The following ARHGAP33 variants were observed in gnomAD, a reference collection of about 807,000 sequenced individuals.
The protein encoded by ARHGAP33 is rho GTPase-activating protein 33.
In ARHGAP33, 57 loss-of-function variants were observed where a neutral mutation model predicts 126.2. The observed-to-expected ratio is 0.45, with a 90% CI of 0.36 to 0.56. The LOEUF is 0.56. Among genes scored for constraint, ARHGAP33 ranks in the 20% least tolerant of loss-of-function variants. ARHGAP33 has a pLI of 0.00. For synonymous variants in ARHGAP33, 711 were observed against 755.0 expected (o/e 0.94, Z 0.95); for missense variants, 1,500 against 1,748.3 (o/e 0.86, Z 2.53).
rs1298102796 is a variant in ARHGAP33, at chr19:35,782,415, T to C, written c.1128T>C (p.Pro376=). ...DSERIPELSG[P]AFLQDIHSVS... ...AGAGGATCCCGGAGCTGTCTGGCCC[T>C]GCATTCCTGCAGGACATCCACAGCG... Residue 376 remains proline, a synonymous_variant, in exon 13 of 21, where the codon CCT becomes CCC. Coordinates refer to ENST00000007510, the MANE Select transcript of ARHGAP33 (RefSeq NM_001366178.1). The surrounding 1 kb of genome is among the most constrained non-coding windows in gnomAD (Gnocchi z 4.1). The C allele has an allele frequency of 1.2e-6, 2 of 1,612,350 alleles. No individual in the cohort carries two copies. Among genetic ancestry groups the C allele is most frequent in the Non-Finnish European group, 1.7e-6 (2 of 1,178,628 alleles).
Position 35,786,241 on chromosome 19 carries a change from T to A in ARHGAP33, c.1943-172T>A. 7.0e-7 allele frequency: 1 copy of A among 1,420,254 alleles called. No individual in the cohort carries two copies. The highest frequency in any genetic ancestry group is 9.2e-7 in the Non-Finnish European group (1 of 1,091,640). 88.0% of individuals were successfully genotyped at this position (1,420,254 alleles called of 1,614,324 possible). A position where few individuals can be genotyped will look rare whatever the true frequency, so the allele number is the denominator to read the frequency against. On this transcript the variant is annotated intron_variant, in intron 19 of 20. Transcript: ENST00000007510. This position sits in a 1 kb window ranked among gnomAD's most constrained non-coding sequence, Gnocchi z 7.0. ...GGGGCAGCCACAGGGCCTTCGTGCT[T>A]TGGGCCGGAAGTGTCCTCTTCATGG...
rs116198719 is a variant in ARHGAP33, at chr19:35,784,779, C to T, written c.1568-174C>T. 5.0e-4 allele frequency: 686 copies of T among 1,365,424 alleles called. 3 individuals carry two copies. The African/African-American group carries it at 9.6e-3, about 19-fold the overall frequency. The allele number at this position is 1,365,424 out of a possible 1,614,324, so 84.6% of individuals were successfully genotyped here. On this transcript the variant is annotated intron_variant, in intron 16 of 20. Coordinates refer to ENST00000007510, the MANE Select transcript of ARHGAP33 (RefSeq NM_001366178.1). Reference sequence around the variant, plus strand: ...TCCTCATCAGCTCGTCCCGCCCCGCCCTCCTCCCACCTGCCTGCTGCCCGC... The same window carrying T: ...TCCTCATCAGCTCGTCCCGCCCCGCTCTCCTCCCACCTGCCTGCTGCCCGC...
Position 35,781,241 on chromosome 19 carries a change from C to G in ARHGAP33, c.1074C>G (p.Ile358Met), listed in dbSNP as rs778348847. 1.2e-6 allele frequency: 2 copies of G among 1,614,034 alleles called. No individual in the cohort carries two copies. The highest frequency in any genetic ancestry group is 1.7e-6 in the Non-Finnish European group (2 of 1,180,036). Residue 358 changes from isoleucine to methionine, a missense_variant, in exon 12 of 21, where the codon ATC becomes ATG. Transcript: ENST00000007510. Reference protein sequence around the residue: ...IYRLSGVSSNIQRLRHEFDSE... With the variant: ...IYRLSGVSSNMQRLRHEFDSE... ...GGCTCTCAGGCGTGTCTTCCAACAT[C>G]CAGAGGCTTCGGTGAGGGCCCTTAG...
chr19:35,781,033 T>A lies in ARHGAP33; in HGVS notation c.943T>A (p.Cys315Ser). The A allele has an allele frequency of 6.2e-7, 1 of 1,612,414 alleles. No individual in the cohort carries two copies. Among genetic ancestry groups the A allele is most frequent in the Non-Finnish European group, 8.5e-7 (1 of 1,179,902 alleles). The change falls in exon 11 of 21, where the codon TGC becomes AGC. Residue 315 changes from cysteine to serine, a missense_variant. Coordinates refer to ENST00000007510, the MANE Select transcript of ARHGAP33 (RefSeq NM_001366178.1). ...AATCCTGCGACAGAGGGTGTTTGGCTGCGATCTTGGCGAGCACCTCAGCAA... is the reference window on the plus strand; with the variant it reads ...AATCCTGCGACAGAGGGTGTTTGGCAGCGATCTTGGCGAGCACCTCAGCAA... ...RGILRQRVFGCDLGEHLSNSG... is the reference protein window; with the variant it reads ...RGILRQRVFGSDLGEHLSNSG...
intron 6 of ARHGAP33, 50 bp downstream of exon 6, chr19:35,779,174 T>C (rs1409895973): frequency 6.9e-7 from 1 of 1,453,774 alleles, no homozygotes; most frequent in Non-Finnish European, 9.4e-7. Flanking sequence ...AGGGGGTGTC[T>C]GAGGGGCGAG....
rs1250489163 is a variant in ARHGAP33, at chr19:35,782,559, T to C, written c.1231-38T>C. Reference sequence around the variant, plus strand: ...GCGGGACGGAGGGGGCCGGGACGCCTCTGGCCCAGACCTCATCACACCTGC... The same window carrying C: ...GCGGGACGGAGGGGGCCGGGACGCCCCTGGCCCAGACCTCATCACACCTGC... On this transcript the variant is annotated intron_variant, in intron 13 of 20. Coordinates refer to ENST00000007510, the MANE Select transcript of ARHGAP33 (RefSeq NM_001366178.1). This position sits in a 1 kb window ranked among gnomAD's most constrained non-coding sequence, Gnocchi z 4.1. 43 of 1,613,634 alleles carry C rather than the reference T, an allele frequency of 2.7e-5. No individual in the cohort carries two copies. Among genetic ancestry groups the C allele is most frequent in the Non-Finnish European group, 3.6e-5 (42 of 1,179,830 alleles).
At position 35,786,958 on chromosome 19, in the gene ARHGAP33, C is replaced by G; in HGVS notation, c.2488C>G (p.Arg830Gly). ...ATPTPALSPGRSLRPHLIPLL... is the reference protein window; with the variant it reads ...ATPTPALSPGGSLRPHLIPLL... The stretch of plus-strand genomic sequence containing the variant: ...CCCAACACCAGCTCTCAGCCCCGGC[C>G]GGAGCCTGCGCCCCCATCTCATACC... Residue 830 changes from arginine (R) to glycine (G), a missense_variant, in exon 20 of 21, where the codon CGG becomes GGG. Around this residue, in one of 6 missense-constraint regions of ARHGAP33, gnomAD observed 642 missense variants for 634.0 expected, o/e 1.01. Coordinates refer to ENST00000007510, the MANE Select transcript of ARHGAP33 (RefSeq NM_001366178.1). This position sits in a 1 kb window ranked among gnomAD's most constrained non-coding sequence, Gnocchi z 7.0. 6.2e-7 allele frequency: 1 copy of G among 1,610,618 alleles called. No homozygotes were observed. Among genetic ancestry groups the G allele is most frequent in the East Asian group, 2.2e-5 (1 of 44,826 alleles).
chr19:35,780,544 A>T (rs1363481575), intron 8 of ARHGAP33, 38 bp from the exon 9 acceptor site: 1 of 1,613,000 alleles, frequency 6.2e-7, no homozygotes, highest in Non-Finnish European at 8.5e-7. Context: ...GTACCTGCCA[A>T]CTGGGGTGGC....
chr19:35,778,216 G>C lies in ARHGAP33; in HGVS notation c.190-64G>C, dbSNP rs530975098. 1.3e-5 allele frequency: 20 copies of C among 1,561,706 alleles called. No individual in the cohort carries two copies. The African/African-American group carries it at 2.2e-4, about 17-fold the overall frequency. ...GGAGTCACAAACCCGTCCCTAGATA[G>C]TGCCATCCCCAGGAGGTCAGGACTG... is the stretch of plus-strand genomic sequence containing the variant. On this transcript the variant is annotated intron_variant, in intron 3 of 20. Transcript: ENST00000007510.
At chr19:35,784,456 G>T in intron 16 of ARHGAP33, 139 bp downstream of exon 16, 1 of 972,056 alleles carries the variant, frequency 1.0e-6, no homozygotes, top group Non-Finnish European at 1.4e-6. Context: ...ATCCCGCCCC[G>T]GCCTCTCCCT....
chr19:35,785,818 A>T, intron 19 of ARHGAP33: 2 of 1,181,198 alleles, frequency 1.7e-6, no homozygotes, highest in Non-Finnish European at 2.1e-6. Context: ...GTTCCTCCCC[A>T]CTGGAGGCAT....
intron 16 of ARHGAP33, 88 bp from the exon 17 acceptor site, chr19:35,784,865 G>A (rs1038943767): frequency 1.6e-4 from 229 of 1,413,794 alleles, no homozygotes; most frequent in Middle Eastern, 2.6e-4. Context: ...CATGCTGCGG[G>A]GCCGGGGCTT....
chr19:35,784,420 C>G, intron 16 of ARHGAP33, 103 bp downstream of exon 16: 1 of 1,434,458 alleles, frequency 7.0e-7, no homozygotes, highest in South Asian at 1.5e-5. Flanking sequence ...CCCACTGAAG[C>G]TGGGCCTCCC....
rs1338359105 is a variant in ARHGAP33 at position 35,787,887 on chromosome 19, C to G, written c.3322C>G (p.Arg1108Gly). Residue 1108 changes from arginine (R) to glycine (G), a missense_variant, in exon 21 of 21, where the codon CGC becomes GGC. Coordinates refer to ENST00000007510, the MANE Select transcript of ARHGAP33 (RefSeq NM_001366178.1). ...SGPTRSWSPF[R>G]SMPPDRLNAS... Reference sequence around the variant, plus strand: ...CCCCACCCGCTCCTGGAGTCCCTTTCGCTCCATGCCCCCCGACAGGCTCAA... The same window carrying G: ...CCCCACCCGCTCCTGGAGTCCCTTTGGCTCCATGCCCCCCGACAGGCTCAA... 1.2e-6 allele frequency: 2 copies of G among 1,609,944 alleles called. No homozygotes were observed. Among genetic ancestry groups the G allele is most frequent in the Non-Finnish European group, 1.7e-6 (2 of 1,177,880 alleles).
chr19:35,787,706 C>T lies in ARHGAP33; in HGVS notation c.3141C>T (p.Val1047=). The T allele has an allele frequency of 6.3e-7, 1 of 1,593,502 alleles. No homozygotes were observed. Among genetic ancestry groups the T allele is most frequent in the Non-Finnish European group, 8.5e-7 (1 of 1,174,192 alleles). ...AGTGCCTGCCACCCTTCCTCGGGGTCCCCAAGCCAGGCTTGTACCCCCTGG... is the reference window on the plus strand; with the variant it reads ...AGTGCCTGCCACCCTTCCTCGGGGTTCCCAAGCCAGGCTTGTACCCCCTGG... The part of the protein sequence containing the change: ...PRECLPPFLG[V]PKPGLYPLGP... Residue 1047 remains valine (V), a synonymous_variant, in exon 21 of 21, where the codon GTC becomes GTT. Coordinates refer to ENST00000007510, the MANE Select transcript of ARHGAP33 (RefSeq NM_001366178.1).
chr19:35,786,200 C>A lies in ARHGAP33; in HGVS notation c.1943-213C>A. Reference sequence around the variant, plus strand: ...CAGCTGTATGTGAATCTGTTGGTCTCGTGCTCACAGCCTGTGGGGCAGCCA... The same window carrying A: ...CAGCTGTATGTGAATCTGTTGGTCTAGTGCTCACAGCCTGTGGGGCAGCCA... On this transcript the variant is annotated intron_variant, in intron 19 of 20. Coordinates refer to ENST00000007510, the MANE Select transcript of ARHGAP33 (RefSeq NM_001366178.1). The surrounding 1 kb of genome is among the most constrained non-coding windows in gnomAD (Gnocchi z 7.0). 7.1e-7 allele frequency: 1 copy of A among 1,408,654 alleles called. No individual in the cohort carries two copies. The highest frequency in any genetic ancestry group is 9.2e-7 in the Non-Finnish European group (1 of 1,086,422). 87.3% of individuals were successfully genotyped at this position (1,408,654 alleles called of 1,614,324 possible).
intron 3 of ARHGAP33, 66 bp from the exon 4 acceptor site, chr19:35,778,214 T>A: frequency 6.4e-7 from 1 of 1,552,302 alleles, no homozygotes; most frequent in Non-Finnish European, 8.9e-7. Context: ...CGTCCCTAGA[T>A]AGTGCCATCC....
rs915914207 is a variant in ARHGAP33 at position 35,778,266 on chromosome 19, C to G, written c.190-14C>G. 37 of 1,613,958 alleles carry G rather than the reference C, an allele frequency of 2.3e-5. No individual in the cohort carries two copies. The highest frequency in any genetic ancestry group is 3.0e-5 in the Non-Finnish European group (35 of 1,179,968). Reference sequence around the variant, plus strand: ...GGGACAAAAGTCCACCTGGGCCTTGCTTTCCCTCTGCAGCTCCTGCTGTCT... The same window carrying G: ...GGGACAAAAGTCCACCTGGGCCTTGGTTTCCCTCTGCAGCTCCTGCTGTCT... On this transcript the variant is annotated splice_polypyrimidine_tract_variant and intron_variant, in intron 3 of 20. Transcript: ENST00000007510.
In ARHGAP33 at chr19:35,785,058, C is replaced by T. The variant is rs372775118; in HGVS notation, c.1673C>T (p.Thr558Met). Residue 558 changes from threonine to methionine, a missense_variant, in exon 17 of 21, where the codon ACG becomes ATG. This residue lies in a region of ARHGAP33 where 300 missense variants were observed against 291.1 expected (regional missense o/e 1.03). Coordinates refer to ENST00000007510, the MANE Select transcript of ARHGAP33 (RefSeq NM_001366178.1). ...GCACGCACCCAGGGCCGGCTGGGGA[C>T]GCCCACGGAGCCCACAACTCCCAAG... ...AQARTQGRLG[T>M]PTEPTTPKAP... The T allele has an allele frequency of 1.4e-5, 22 of 1,558,586 alleles. No homozygotes were observed. The highest frequency in any genetic ancestry group is 3.7e-4 in the Middle Eastern group (2 of 5,348).
Sources: allele counts gnomAD v4.1 joint callset, GRCh38; gene constraint gnomAD v4.1.1; regional missense constraint gnomAD v4.1.1; non-coding constraint Gnocchi (gnomAD v3.1); transcripts MANE v1.5; gene names NCBI Gene and HGNC (gene_info 2026-07-23, HGNC 2026-07-21).